The following ENTREP2 variants were observed in gnomAD, a reference collection of about 807,000 sequenced individuals.
ENTREP2 encodes protein ENTREP2.
the ENTREP2 span, among the ~76,000 whole-genome samples, chr15:29,223,451 C>T: frequency 6.6e-6 from 1 of 152,162 alleles, no homozygotes; most frequent in Admixed American, 6.5e-5. Context: ...GCTGTCATAT[C>T]TGCACCTGTG....
At chr15:29,304,954 A>C in the ENTREP2 span, among the ~76,000 whole-genome samples, 1 of 152,190 alleles carries the variant, frequency 6.6e-6, no homozygotes, top group East Asian at 1.9e-4. Flanking sequence ...TCCTATTTAC[A>C]ATGATAGTTT....
the ENTREP2 span, among the ~76,000 whole-genome samples, chr15:29,368,337 A>AATATATATAT: frequency 6.8e-6 from 1 of 146,102 alleles, no homozygotes; most frequent in African/African-American, 2.6e-5. Flanking sequence ...CAAAAAAAAA[A>AATATATATAT]ATATATATAT....
At chr15:29,186,668 A>T in the ENTREP2 span, among the ~76,000 whole-genome samples, 1 of 152,148 alleles carries the variant, frequency 6.6e-6, no homozygotes, top group African/African-American at 2.4e-5. Context: ...TCCACATCTG[A>T]CCCATCAAAC....
At chr15:29,345,836 A>C in the ENTREP2 span, among the ~76,000 whole-genome samples, 1 of 152,166 alleles carries the variant, frequency 6.6e-6, no homozygotes, top group African/African-American at 2.4e-5. Context: ...CATCCCCAGG[A>C]GTGCAGGCCA....
At chr15:29,265,052 A>C in the ENTREP2 span, 1 of 152,192 alleles carries the variant, frequency 6.6e-6, no homozygotes, top group South Asian at 2.1e-4. Flanking sequence ...ATATACATCC[A>C]AAGTCATTCA....
chr15:29,330,389 C>T, the ENTREP2 span, among the ~76,000 whole-genome samples: 1 of 152,050 alleles, frequency 6.6e-6, no homozygotes, highest in Non-Finnish European at 1.5e-5. Flanking sequence ...GCAGAGACTG[C>T]AGTGAGCCGA....
At chr15:29,435,047 T>C in the ENTREP2 span, among the ~76,000 whole-genome samples, 1 of 152,064 alleles carries the variant, frequency 6.6e-6, no homozygotes, top group South Asian at 2.1e-4. Context: ...GTTTTGAGAG[T>C]ACTGTACACC....
the ENTREP2 span, among the ~76,000 whole-genome samples, chr15:29,271,824 T>G: frequency 3.3e-5 from 5 of 152,150 alleles, no homozygotes; most frequent in Admixed American, 6.5e-5. Context: ...CTTGTGCAAC[T>G]CGGTGTCTGA....
chr15:29,359,079 G>C, the ENTREP2 span, among the ~76,000 whole-genome samples: 2 of 152,132 alleles, frequency 1.3e-5, no homozygotes, highest in Non-Finnish European at 2.9e-5. Flanking sequence ...TACAGGGAAT[G>C]AACAGTAATA....
the ENTREP2 span, among the ~76,000 whole-genome samples, chr15:29,316,474 C>T: frequency 0.12 from 18,226 of 152,156 alleles, 1,428 homozygotes; most frequent in African/African-American, 0.22. Context: ...GTTGTGATCA[C>T]GGCATTGTGA....
At chr15:29,155,869 ATCTTGGCCAGAAGC>A in the ENTREP2 span, among the ~76,000 whole-genome samples, 1 of 151,376 alleles carries the variant, frequency 6.6e-6, no homozygotes, top group South Asian at 2.1e-4. Flanking sequence ...CTGCTACTCC[ATCTTGGCCAGAAGC>A]TCTTGGTGGC....
At chr15:29,151,371 C>T in the ENTREP2 span, among the ~76,000 whole-genome samples, 706 of 152,238 alleles carry the variant, frequency 4.6e-3, 4 homozygotes, top group African/African-American at 0.016. Flanking sequence ...CTAAACTTCC[C>T]GGATTAAAAG....
At chr15:29,642,889 G>A in the ENTREP2 span, among the ~76,000 whole-genome samples, 2 of 152,158 alleles carry the variant, frequency 1.3e-5, no homozygotes, top group African/African-American at 4.8e-5. Flanking sequence ...AGGGATTACA[G>A]GCATGAGCCA....
At chr15:29,638,307 G>T in the ENTREP2 span, among the ~76,000 whole-genome samples, 1 of 152,174 alleles carries the variant, frequency 6.6e-6, no homozygotes, top group Non-Finnish European at 1.5e-5. Context: ...TGGTGGTGGG[G>T]GTTTATCCTG....
the ENTREP2 span, among the ~76,000 whole-genome samples, chr15:29,194,841 G>C: frequency 6.6e-6 from 1 of 152,212 alleles, no homozygotes; most frequent in East Asian, 1.9e-4. Flanking sequence ...CAGGACCTTA[G>C]AGGAGCCTGT....
chr15:29,308,240 G>A, the ENTREP2 span, among the ~76,000 whole-genome samples: 6,195 of 152,186 alleles, frequency 0.041, 407 homozygotes, highest in African/African-American at 0.14. Context: ...GCCGGGTGTG[G>A]TGGCTCACGC....
the ENTREP2 span, among the ~76,000 whole-genome samples, chr15:29,194,204 C>T: frequency 1.3e-5 from 2 of 152,220 alleles, no homozygotes; most frequent in African/African-American, 4.8e-5. Context: ...AACAGATACT[C>T]GCTTCCAATA....
the ENTREP2 span, among the ~76,000 whole-genome samples, chr15:29,251,403 C>A: frequency 6.6e-6 from 1 of 152,256 alleles, no homozygotes; most frequent in South Asian, 2.1e-4. Context: ...ATCGTTCTAT[C>A]CAACAAACAA....
chr15:29,282,188 A>C, the ENTREP2 span, among the ~76,000 whole-genome samples: 1 of 152,150 alleles, frequency 6.6e-6, no homozygotes, highest in Non-Finnish European at 1.5e-5. Flanking sequence ...ACGGGAGATA[A>C]CTGAATCATG....
Sources: allele counts gnomAD v4.1 joint callset (sites outside exome capture counted in the v4.1 genomes callset), GRCh38; gene constraint gnomAD v4.1.1; transcripts MANE v1.5; gene names NCBI Gene and HGNC (gene_info 2026-07-23, HGNC 2026-07-21).